CYB5R4: variants seen among roughly 807,000 people sequenced by gnomAD.
The protein encoded by CYB5R4 is cytochrome b5 reductase 4.
CYB5R4 carries 55 observed loss-of-function variants against 70.2 expected under a neutral mutation model. That is an observed-to-expected ratio of 0.78 (90% confidence interval 0.63 to 0.98). The LOEUF is 0.98. Among genes scored for constraint, CYB5R4 ranks in the 50% least tolerant of loss-of-function variants. The pLI is 0.00. For missense variants in CYB5R4, 562 were observed against 612.6 expected, an observed-to-expected ratio of 0.92 and a Z score of 0.87; for synonymous variants, 197 against 199.5, an observed-to-expected ratio of 0.99 and a Z score of 0.11.
intron 12 of CYB5R4, among the ~76,000 whole-genome samples, chr6:83,937,073 G>A (rs1281178125): frequency 1.3e-5 from 2 of 152,132 alleles, no homozygotes; most frequent in Non-Finnish European, 2.9e-5. Flanking sequence ...TCGGAAGTTC[G>A]AGACCAGCCT....
chr6:83,863,206 G>A (rs1032377422), intron 1 of CYB5R4, among the ~76,000 whole-genome samples: 1 of 152,158 alleles, frequency 6.6e-6, no homozygotes, highest in African/African-American at 2.4e-5. Context: ...CTAGGCAAGG[G>A]TTGGCAGTTT....
At chr6:83,868,089 T>TGTG (rs2099457022) in intron 2 of CYB5R4, among the ~76,000 whole-genome samples, 1 of 152,186 alleles carries the variant, frequency 6.6e-6, no homozygotes, top group Non-Finnish European at 1.5e-5. Flanking sequence ...TGTGCCAACT[T>TGTG]TAGTCTTGAA....
At chr6:83,923,022 T>C (rs1279587731) in intron 9 of CYB5R4, among the ~76,000 whole-genome samples, 1 of 151,884 alleles carries the variant, frequency 6.6e-6, no homozygotes, top group African/African-American at 2.4e-5. Context: ...TTTTTCTCTC[T>C]TTAACCTTTC....
chr6:83,921,327 A>G (rs1588576942), intron 8 of CYB5R4, 152 bp downstream of exon 8: 1 of 661,802 alleles, frequency 1.5e-6, no homozygotes, highest in Non-Finnish European at 2.3e-6. Flanking sequence ...TAATTTCTTT[A>G]CACTAATAAA....
chr6:83,940,037 C>A lies in CYB5R4; in HGVS notation c.1109-19C>A. On this transcript the variant is annotated intron_variant, in intron 12 of 15. Coordinates refer to ENST00000369681, the MANE Select transcript of CYB5R4 (RefSeq NM_016230.4). The stretch of plus-strand genomic sequence containing the variant: ...TTTGTTTTTTTTTTTTCTGATTTAG[C>A]TTATGTTTCATTGTTTAGGAGATTT... 7.0e-7 allele frequency: 1 copy of A among 1,423,834 alleles called. No homozygotes were observed. The highest frequency in any genetic ancestry group is 2.5e-5 in the East Asian group (1 of 39,924). 88.2% of individuals were successfully genotyped at this position (1,423,834 alleles called of 1,614,324 possible).
intron 2 of CYB5R4, among the ~76,000 whole-genome samples, chr6:83,883,526 C>G (rs1406454125): frequency 1.3e-5 from 2 of 152,078 alleles, no homozygotes; most frequent in Non-Finnish European, 2.9e-5. Context: ...AAAGTAACAC[C>G]ATCAACCCTG....
intron 3 of CYB5R4, among the ~76,000 whole-genome samples, chr6:83,895,010 G>A (rs570348949): frequency 1.3e-5 from 2 of 152,286 alleles, no homozygotes; most frequent in African/African-American, 4.8e-5. Context: ...TTAAATGGCA[G>A]GATCTCATTT....
chr6:83,946,688 A>G (rs1028892059), intron 14 of CYB5R4, among the ~76,000 whole-genome samples: 1 of 152,220 alleles, frequency 6.6e-6, no homozygotes, highest in Non-Finnish European at 1.5e-5. Flanking sequence ...TCTCAGCCCA[A>G]AAACTCTTTA....
intron 3 of CYB5R4, among the ~76,000 whole-genome samples, chr6:83,898,921 T>C (rs2099462398): frequency 6.6e-6 from 1 of 152,202 alleles, no homozygotes; most frequent in Non-Finnish European, 1.5e-5. Flanking sequence ...CAGGGACAAT[T>C]TGACTTCCTC....
At chr6:83,893,263 G>A (rs2099461407) in intron 2 of CYB5R4, among the ~76,000 whole-genome samples, 1 of 152,172 alleles carries the variant, frequency 6.6e-6, no homozygotes, top group East Asian at 1.9e-4. Context: ...TGCTATTGAT[G>A]TGAGTGCTAA....
At chr6:83,943,079 C>T (rs1209511083) in intron 14 of CYB5R4, among the ~76,000 whole-genome samples, 2 of 152,158 alleles carry the variant, frequency 1.3e-5, no homozygotes, top group Non-Finnish European at 2.9e-5. Context: ...CTGAAGAGAG[C>T]AGTGGATCTC....
At chr6:83,884,872 C>T (rs1053703636) in intron 2 of CYB5R4, among the ~76,000 whole-genome samples, 44 of 152,156 alleles carry the variant, frequency 2.9e-4, no homozygotes, top group African/African-American at 1.0e-3. Flanking sequence ...TAATGTGGGG[C>T]TTTTAGAATT....
At chr6:83,942,967 G>C (rs2099469997) in intron 14 of CYB5R4, among the ~76,000 whole-genome samples, 1 of 152,158 alleles carries the variant, frequency 6.6e-6, no homozygotes, top group Admixed American at 6.5e-5. Flanking sequence ...CCCAATCAGA[G>C]GCTTATAGAT....
At chr6:83,952,505 T>A (rs772922473) in intron 14 of CYB5R4, among the ~76,000 whole-genome samples, 4 of 152,126 alleles carry the variant, frequency 2.6e-5, no homozygotes, top group Non-Finnish European at 5.9e-5. Flanking sequence ...AAAATAAATC[T>A]GGGTAGTAGG....
chr6:83,873,176 C>T (rs1038846077), intron 2 of CYB5R4, among the ~76,000 whole-genome samples: 14 of 149,728 alleles, frequency 9.4e-5, no homozygotes, highest in Non-Finnish European at 1.8e-4. Context: ...GTGTCTGTTA[C>T]TTATAACTCT....
At chr6:83,868,747 G>A (rs566818551) in intron 2 of CYB5R4, among the ~76,000 whole-genome samples, 2 of 152,228 alleles carry the variant, frequency 1.3e-5, no homozygotes, top group Admixed American at 6.5e-5. Flanking sequence ...TAAATCACTC[G>A]TCTGAGAGTT....
In CYB5R4 at chr6:83,967,279, T is replaced by C. The variant is rs1391826865; in HGVS notation, c.*7401T>C. 1.3e-5 allele frequency: 2 copies of C among 152,172 alleles called. No homozygotes were observed. The highest frequency in any genetic ancestry group is 3.9e-4 in the East Asian group (2 of 5,188). 9.4% of individuals were successfully genotyped at this position (152,172 alleles called of 1,614,324 possible). On this transcript the variant is annotated 3_prime_UTR_variant, in exon 16 of 16. Transcript: ENST00000369681. Reference sequence around the variant, plus strand: ...AAAGGATTGGAGAACATTAAACTTGTAGAACTAAAACAAAATGAGAGTTAA... The same window carrying C: ...AAAGGATTGGAGAACATTAAACTTGCAGAACTAAAACAAAATGAGAGTTAA...
chr6:83,874,915 C>T (rs150171963), intron 2 of CYB5R4, among the ~76,000 whole-genome samples: 6,224 of 152,036 alleles, frequency 0.041, 437 homozygotes, highest in African/African-American at 0.14. Flanking sequence ...CTCCGCCTCC[C>T]AGGTTCAAAC....
At chr6:83,863,803 A>C (rs1248841059) in intron 1 of CYB5R4, among the ~76,000 whole-genome samples, 1 of 152,252 alleles carries the variant, frequency 6.6e-6, no homozygotes, top group African/African-American at 2.4e-5. Context: ...ACATTGCTTT[A>C]GGTATTATTA....
Sources: allele counts gnomAD v4.1 joint callset (sites outside exome capture counted in the v4.1 genomes callset), GRCh38; gene constraint gnomAD v4.1.1; transcripts MANE v1.5; gene names NCBI Gene and HGNC (gene_info 2026-07-23, HGNC 2026-07-21).